PRRC2A: variants seen among roughly 807,000 people sequenced by gnomAD.
PRRC2A encodes the protein protein PRRC2A.
PRRC2A carries 59 observed loss-of-function variants against 224.6 expected under a neutral mutation model. The observed-to-expected ratio is 0.26, with a 90% CI of 0.21 to 0.33. The LOEUF is 0.33. Ranked by LOEUF, PRRC2A falls within the 10% of genes least tolerant of loss-of-function variation. PRRC2A has a pLI of 1.00. For missense variants in PRRC2A, 3,095 were observed against 2,880.7 expected (o/e 1.07, Z -1.70); for synonymous variants, 1,194 against 1,109.5 (o/e 1.08, Z -1.51).
Position 31,635,709 on chromosome 6 carries a change from C to G in PRRC2A, c.5501C>G (p.Pro1834Arg). 6.2e-7 allele frequency: 1 copy of G among 1,608,398 alleles called. No homozygotes were observed. Among genetic ancestry groups the G allele is most frequent in the Non-Finnish European group, 8.5e-7 (1 of 1,177,516 alleles). The change falls in exon 24 of 31, where the codon CCT (proline) becomes CGT (arginine). Residue 1834 changes from proline to arginine, a missense_variant. Physicochemically the swap from Pro to Arg is moderately radical, Grantham distance 103. This residue lies in a region of PRRC2A where 662 missense variants were observed against 609.5 expected (regional missense o/e 1.09). Transcript: ENST00000376033. ...AGCTCCTCAGGCCAGCGCCTGTATC[C>G]TGAGGTTTTCTATGGCAGTGCTGGG... ...EPSSSGQRLYPEVFYGSAGPS... is the reference protein window; with the variant it reads ...EPSSSGQRLYREVFYGSAGPS...
Position 31,629,124 on chromosome 6 carries a change from TTG to T in PRRC2A, c.1766-16_1766-15del, listed in dbSNP as rs775844929. ...TCTATTGTTGGACTAGATCACTCTG[TTG>T]TGTTTTTTCCGATGCAGTGGAACCA... On this transcript the variant is annotated intron_variant, in intron 12 of 30. Coordinates refer to ENST00000376033, the MANE Select transcript of PRRC2A (RefSeq NM_004638.4). The T allele has an allele frequency of 6.2e-7, 1 of 1,613,218 alleles. No homozygotes were observed. The highest frequency in any genetic ancestry group is 1.3e-5 in the African/African-American group (1 of 74,862).
chr6:31,631,735 C>T lies in PRRC2A; in HGVS notation c.3062C>T (p.Thr1021Ile), dbSNP rs551233535. 5.9e-6 allele frequency: 9 copies of T among 1,531,762 alleles called. No homozygotes were observed. The highest frequency in any genetic ancestry group is 7.9e-6 in the Non-Finnish European group (9 of 1,139,068). The allele number at this position is 1,531,762 out of a possible 1,614,324, so 94.9% of individuals were successfully genotyped here. A position where few individuals can be genotyped will look rare whatever the true frequency, so the allele number is the denominator to read the frequency against. The change falls in exon 16 of 31, where the codon ACC becomes ATC. Residue 1021 changes from threonine to isoleucine, a missense_variant. Thr to Ile is a moderately conservative substitution (Grantham distance 89). Around this residue, in one of 8 missense-constraint regions of PRRC2A, gnomAD observed 2,001 missense variants for 1,764.9 expected, o/e 1.13. Coordinates refer to ENST00000376033, the MANE Select transcript of PRRC2A (RefSeq NM_004638.4). The surrounding 1 kb of genome is among the most constrained non-coding windows in gnomAD (Gnocchi z 4.5). ...RDYSYERVGP[T>I]SCRGRGRGEY... The stretch of plus-strand genomic sequence containing the variant: ...TATTCGTATGAAAGAGTGGGTCCTA[C>T]CTCTTGCCGGGGTCGGGGCCGAGGC...
In PRRC2A at chr6:31,625,135, T is replaced by C; in HGVS notation, c.464-36T>C. 3.8e-6 allele frequency: 6 copies of C among 1,592,268 alleles called. No homozygotes were observed. The highest frequency in any genetic ancestry group is 5.1e-6 in the Non-Finnish European group (6 of 1,165,390). On this transcript the variant is annotated intron_variant, in intron 5 of 30. Coordinates refer to ENST00000376033, the MANE Select transcript of PRRC2A (RefSeq NM_004638.4). The surrounding 1 kb of genome is among the most constrained non-coding windows in gnomAD (Gnocchi z 4.1). ...TTTTATAGCATGTCCTCAGGAAATG[T>C]CTTCTGTCTCCTGTTCTGCATCCCC...
intron 20 of PRRC2A, 46 bp from the exon 21 acceptor site, chr6:31,634,707 G>A (rs763432198): frequency 2.5e-6 from 4 of 1,590,664 alleles, no homozygotes; most frequent in East Asian, 2.2e-5. Flanking sequence ...AGGTATTGGG[G>A]TGCTTTCTAC....
rs1776077516 is a variant in PRRC2A, at chr6:31,627,777, C to T, written c.1303C>T (p.Pro435Ser). 3.7e-6 allele frequency: 6 copies of T among 1,612,378 alleles called. No individual in the cohort carries two copies. The highest frequency in any genetic ancestry group is 1.7e-5 in the Admixed American group (1 of 60,002). ...TGCCAATTGACAGGATCGTGGGGGTCCTCCCTGCAAGCCCCCAGCACCTGA... is the reference window on the plus strand; with the variant it reads ...TGCCAATTGACAGGATCGTGGGGGTTCTCCCTGCAAGCCCCCAGCACCTGA... ...PPGDYPDRGG[P>S]PCKPPAPEDE... The change falls in exon 12 of 31, where the codon CCT (proline) becomes TCT (serine). Residue 435 changes from proline (P) to serine (S), a missense_variant. By Grantham distance (74) the Pro-to-Ser change is moderately conservative. Transcript: ENST00000376033. The surrounding 1 kb of genome is among the most constrained non-coding windows in gnomAD (Gnocchi z 5.6).
chr6:31,630,481 C>A, intron 14 of PRRC2A, 110 bp from the exon 15 acceptor site: 1 of 1,105,486 alleles, frequency 9.0e-7, no homozygotes, highest in South Asian at 1.4e-5. Flanking sequence ...CCCGGACCTA[C>A]TGGGAACAAG....
intron 18 of PRRC2A, 53 bp from the exon 19 acceptor site, chr6:31,634,174 CTTCCTATAA>C: frequency 6.4e-7 from 1 of 1,572,836 alleles, no homozygotes; most frequent in South Asian, 1.2e-5. Context: ...TCTGTCCTGG[CTTCCTATAA>C]TTCCCAATTC....
In PRRC2A at chr6:31,629,209, C is replaced by A; in HGVS notation, c.1831C>A (p.Pro611Thr). ...AGAAGAGGTTCCTCCTCCTACCACA[C>A]CCCCAGTTCCAAAGGTGGAACCCAA... ...PPEEVPPPTT[P>T]PVPKVEPKGD... Residue 611 changes from proline (P) to threonine (T), a missense_variant, in exon 13 of 31, where the codon CCC becomes ACC. Coordinates refer to ENST00000376033, the MANE Select transcript of PRRC2A (RefSeq NM_004638.4). The A allele has an allele frequency of 6.2e-7, 1 of 1,614,126 alleles. No homozygotes were observed. Among genetic ancestry groups the A allele is most frequent in the Non-Finnish European group, 8.5e-7 (1 of 1,180,012 alleles).
rs1777665862 is a variant in PRRC2A, at chr6:31,637,566, G to A, written c.6454G>A (p.Gly2152Arg). 3.2e-6 allele frequency: 5 copies of A among 1,586,600 alleles called. No homozygotes were observed. Among genetic ancestry groups the A allele is most frequent in the Non-Finnish European group, 4.3e-6 (5 of 1,167,760 alleles). ...TGGGTCCCGAGGGGACAAGGAGCCT[G>A]GGTTGCCCCCACCCCGCTGAGGGAG... is the stretch of plus-strand genomic sequence containing the variant. ...EPGSRGDKEP[G>R]LPPPR The change falls in exon 31 of 31, where the codon GGG becomes AGG. Residue 2152 changes from glycine (G) to arginine (R), a missense_variant. By Grantham distance (125) the Gly-to-Arg change is moderately radical (BLOSUM62 -2). Transcript: ENST00000376033.
Position 31,621,600 on chromosome 6 carries a change from A to G in PRRC2A, c.-101+742A>G, listed in dbSNP as rs114373078. On this transcript the variant is annotated intron_variant, in intron 1 of 30. Coordinates refer to ENST00000376033, the MANE Select transcript of PRRC2A (RefSeq NM_004638.4). ...TGACTCTTGTATTCGTTTTCCCTTC[A>G]TATATTTATCTTCACAGATTGGCCT... 3.1e-3 allele frequency among the ~76,000 whole-genome samples: 467 copies of G among 151,568 alleles called. 1 individual carries two copies. Among genetic ancestry groups the G allele is most frequent in the African/African-American group, 0.011 (436 of 41,220 alleles).
chr6:31,630,417 A>G (rs748086718), intron 14 of PRRC2A, among the ~76,000 whole-genome samples, 174 bp from the exon 15 acceptor site: 15 of 152,174 alleles, frequency 9.9e-5, no homozygotes, highest in Non-Finnish European at 1.5e-4. Context: ...GGGTGGGTTG[A>G]TTCTCTTGTA....
At position 31,624,984 on chromosome 6, in the gene PRRC2A, A is replaced by C. The variant is rs1775735293; in HGVS notation, c.464-187A>C. On this transcript the variant is annotated intron_variant, in intron 5 of 30. Coordinates refer to ENST00000376033, the MANE Select transcript of PRRC2A (RefSeq NM_004638.4). Reference sequence around the variant, plus strand: ...AGCTAATTTTTTGTGTGTTTTTAGTAGAGATGGGGTTTCACATGTTGGCCA... The same window carrying C: ...AGCTAATTTTTTGTGTGTTTTTAGTCGAGATGGGGTTTCACATGTTGGCCA... The C allele has an allele frequency of 6.2e-6, 4 of 647,866 alleles. No individual in the cohort carries two copies. In the East Asian group the frequency reaches 1.1e-4, roughly 17 times the overall value. The allele number at this position is 647,866 out of a possible 1,614,324, so 40.1% of individuals were successfully genotyped here. A position where few individuals can be genotyped will look rare whatever the true frequency, so the allele number is the denominator to read the frequency against.
chr6:31,629,929 T>C, intron 14 of PRRC2A, 84 bp downstream of exon 14: 1 of 1,563,978 alleles, frequency 6.4e-7, no homozygotes, highest in Non-Finnish European at 8.7e-7. Flanking sequence ...GTGACTCTGG[T>C]ACGATAGGTT....
At position 31,632,534 on chromosome 6, in the gene PRRC2A, G is replaced by A; in HGVS notation, c.3861G>A (p.Glu1287=). ...TTCCAGCCTCCGCTCCTGGACCTGA[G>A]GAGGCCCTCACAACAGTCACAGTGG... ...LTLPASAPGP[E]EALTTVTVAP... is the part of the protein sequence containing the mutation. The change falls in exon 16 of 31, where the codon GAG becomes GAA. Residue 1287 remains glutamate (E), a synonymous_variant. Transcript: ENST00000376033. The A allele has an allele frequency of 6.2e-7, 1 of 1,610,376 alleles. No individual in the cohort carries two copies. The highest frequency in any genetic ancestry group is 8.5e-7 in the Non-Finnish European group (1 of 1,178,198).
chr6:31,626,321 G>C (rs1352791424), intron 9 of PRRC2A, among the ~76,000 whole-genome samples, 159 bp downstream of exon 9: 2 of 152,134 alleles, frequency 1.3e-5, no homozygotes, highest in Non-Finnish European at 2.9e-5. Flanking sequence ...GGGAGTGTTA[G>C]GTGAGAGGAT....
At position 31,632,873 on chromosome 6, in the gene PRRC2A, C is replaced by T. The variant is rs1776821952; in HGVS notation, c.4200C>T (p.Gly1400=). The change falls in exon 16 of 31, where the codon GGC becomes GGT. Residue 1400 remains glycine, a synonymous_variant. Transcript: ENST00000376033. ...PGMERQNRRP[G]PGGKAGSSGS... ...TGGAACGGCAGAATCGGCGCCCTGG[C>T]CCAGGGGGCAAGGCTGGCAGCAGTG... 2 of 1,612,992 alleles carry T rather than the reference C, an allele frequency of 1.2e-6. No homozygotes were observed. The highest frequency in any genetic ancestry group is 1.3e-5 in the African/African-American group (1 of 75,020).
chr6:31,631,078 T>TC lies in PRRC2A; in HGVS notation c.2466-58dup, dbSNP rs1420427516. The TC allele has an allele frequency of 1.4e-6, 2 of 1,405,788 alleles. No homozygotes were observed. The highest frequency in any genetic ancestry group is 2.9e-5 in the African/African-American group (2 of 69,204). The allele number at this position is 1,405,788 out of a possible 1,614,324, so 87.1% of individuals were successfully genotyped here. A position where few individuals can be genotyped will look rare whatever the true frequency, so the allele number is the denominator to read the frequency against. ...TCTGCATCATAATAAAGTGTTCTTT[T>TC]CCCACCTAGTTCTGGTTTTCCTGAG... On this transcript the variant is annotated intron_variant, in intron 15 of 30. Coordinates refer to ENST00000376033, the MANE Select transcript of PRRC2A (RefSeq NM_004638.4). This position sits in a 1 kb window ranked among gnomAD's most constrained non-coding sequence, Gnocchi z 4.5.
At chr6:31,628,884 A>C (rs1375304650) in intron 12 of PRRC2A, 2 of 467,228 alleles carry the variant, frequency 4.3e-6, no homozygotes, top group Non-Finnish European at 7.5e-6. Flanking sequence ...ATAAAAATGA[A>C]AACTATTTCC....
At position 31,633,677 on chromosome 6, in the gene PRRC2A, T is replaced by C. The variant is rs756098857; in HGVS notation, c.4588+30T>C. ...GCTGGAGGGGTTATGGGTGGGAATA[T>C]CTCCATCCCCAGAGAAGGTCAAGTG... On this transcript the variant is annotated intron_variant, in intron 17 of 30. Transcript: ENST00000376033. 5.7e-6 allele frequency: 9 copies of C among 1,583,084 alleles called. No homozygotes were observed. The African/African-American group carries it at 1.1e-4, about 19-fold the overall frequency.
Sources: allele counts gnomAD v4.1 joint callset (sites outside exome capture counted in the v4.1 genomes callset), GRCh38; gene constraint gnomAD v4.1.1; regional missense constraint gnomAD v4.1.1; non-coding constraint Gnocchi (gnomAD v3.1); transcripts MANE v1.5; gene names NCBI Gene and HGNC (gene_info 2026-07-23, HGNC 2026-07-21).